Variants in CPSF4 observed in about 807,000 individuals in gnomAD.
CPSF4 encodes cleavage and polyadenylation specific factor 4.
CPSF4 carries 11 observed loss-of-function variants against 37.7 expected under a neutral mutation model. The ratio of observed to expected loss-of-function variants is 0.29; its 90% CI spans 0.18 to 0.48. CPSF4 has a LOEUF of 0.48. Among genes scored for constraint, CPSF4 ranks in the 20% least tolerant of loss-of-function variants. The pLI, the probability that CPSF4 is intolerant of heterozygous loss-of-function variation, is 0.99. For synonymous variants in CPSF4, 132 were observed against 135.9 expected (o/e 0.97, Z 0.20); for missense variants, 144 against 359.5 (o/e 0.40, Z 4.85).
intron 7 of CPSF4, among the ~76,000 whole-genome samples, chr7:99,455,999 CT>C: frequency 2.0e-5 from 3 of 152,386 alleles, no homozygotes; most frequent in African/African-American, 7.2e-5. Context: ...CAGACCTTGG[CT>C]CAGAGGTAAG....
Position 99,439,007 on chromosome 7 carries a change from G to A in CPSF4, c.-76G>A, listed in dbSNP as rs1354879419. ...AGCGAAGGAGGAGTGTGTGCGGCGG[G>A]GCCGGCGGCGGGTAAAGGCGAGAAG... On this transcript the variant is annotated 5_prime_UTR_variant, in exon 1 of 8. Coordinates refer to ENST00000292476, the MANE Select transcript of CPSF4 (RefSeq NM_006693.4). 4 of 1,438,394 alleles carry A rather than the reference G, an allele frequency of 2.8e-6. No homozygotes were observed. The highest frequency in any genetic ancestry group is 2.7e-5 in the East Asian group (1 of 37,666). 89.1% of individuals were successfully genotyped at this position (1,438,394 alleles called of 1,614,324 possible).
chr7:99,452,281 A>C (rs1398714544), intron 5 of CPSF4, 87 bp from the exon 6 acceptor site: 19 of 1,150,888 alleles, frequency 1.7e-5, no homozygotes, highest in Non-Finnish European at 2.5e-5. Flanking sequence ...CTAGGGCTGG[A>C]ATTTAAGAGC....
chr7:99,447,409 C>T (rs981632434), intron 2 of CPSF4, among the ~76,000 whole-genome samples: 61 of 148,638 alleles, frequency 4.1e-4, no homozygotes, highest in African/African-American at 1.5e-3. Context: ...GCTGGGATTA[C>T]AGGCACCCAC....
In CPSF4 at chr7:99,448,461, T is replaced by C. The variant is rs1057105034; in HGVS notation, c.307+188T>C. On this transcript the variant is annotated intron_variant, in intron 3 of 7. Transcript: ENST00000292476. This position sits in a 1 kb window ranked among gnomAD's most constrained non-coding sequence, Gnocchi z 4.4. ...GTGTGGCTATTTTCTGCTCATCTCT[T>C]TTTTTTTTTTTTTTTTTTTAAAGAC... The C allele has an allele frequency of 8.5e-5, 19 of 224,786 alleles. No homozygotes were observed. The highest frequency in any genetic ancestry group is 2.1e-4 in the African/African-American group (8 of 37,880). 13.9% of individuals were successfully genotyped at this position (224,786 alleles called of 1,614,324 possible). A position where few individuals can be genotyped will look rare whatever the true frequency, so the allele number is the denominator to read the frequency against.
chr7:99,456,634 G>C lies in CPSF4; in HGVS notation c.*134G>C. ...ACACGTGGGTTTCATCACTCTGAGG[G>C]GCCACGTCTGTTAGTTTCCTATCAT... On this transcript the variant is annotated 3_prime_UTR_variant, in exon 8 of 8. Transcript: ENST00000292476. 1.3e-6 allele frequency: 1 copy of C among 740,912 alleles called. No homozygotes were observed. Among genetic ancestry groups the C allele is most frequent in the Non-Finnish European group, 2.4e-6 (1 of 417,332 alleles). The allele number at this position is 740,912 out of a possible 1,614,324, so 45.9% of individuals were successfully genotyped here.
At chr7:99,439,537 C>T in intron 1 of CPSF4, 1 of 228,806 alleles carries the variant, frequency 4.4e-6, no homozygotes, top group Non-Finnish European at 8.5e-6. Flanking sequence ...CTCCTTTTAC[C>T]CTCACTCGGA....
Position 99,448,100 on chromosome 7 carries a change from C to G in CPSF4, c.155-21C>G. On this transcript the variant is annotated intron_variant, in intron 2 of 7. Transcript: ENST00000292476. This position sits in a 1 kb window ranked among gnomAD's most constrained non-coding sequence, Gnocchi z 4.4. Reference sequence around the variant, plus strand: ...TCAGGGTGGCCTCTCTGCTGACACCCTGTCCCTATCTTGCCGGCAGGGGGC... The same window carrying G: ...TCAGGGTGGCCTCTCTGCTGACACCGTGTCCCTATCTTGCCGGCAGGGGGC... The G allele has an allele frequency of 6.2e-7, 1 of 1,612,618 alleles. No homozygotes were observed. Among genetic ancestry groups the G allele is most frequent in the Non-Finnish European group, 8.5e-7 (1 of 1,179,324 alleles).
intron 1 of CPSF4, among the ~76,000 whole-genome samples, chr7:99,442,287 C>G (rs868852451): frequency 6.6e-6 from 1 of 152,304 alleles, no homozygotes. Flanking sequence ...CTGGAGCCCA[C>G]TGAATTCCAG....
intron 1 of CPSF4, chr7:99,441,379 G>A (rs1796968579): frequency 2.2e-6 from 1 of 455,992 alleles, no homozygotes; most frequent in African/African-American, 2.0e-5. Flanking sequence ...AGTGGCGAGG[G>A]GCCCACATAC....
rs563773674 is a variant in CPSF4, at chr7:99,454,152, G to T, written c.741+16G>T. On this transcript the variant is annotated intron_variant, in intron 7 of 7. Transcript: ENST00000292476. ...CTGTTACAAGGTGAGTCCCTGGGCT[G>T]GGGGACAGGGTGGGGTCTTCCCTTA... The T allele has an allele frequency of 3.7e-6, 6 of 1,607,932 alleles. No individual in the cohort carries two copies. The South Asian group carries it at 6.6e-5, about 18-fold the overall frequency.
chr7:99,446,771 CTTTTTTTTTTTTTTTTTT>C (rs762892785), intron 2 of CPSF4, among the ~76,000 whole-genome samples: 317 of 29,118 alleles, frequency 0.011, 3 homozygotes, highest in Non-Finnish European at 0.016. Flanking sequence ...CCATACCCAG[CTTTTTTTTTTTTTTTTTT>C]TTTTTTTTTT....
chr7:99,440,651 CTGGCATATATATATATATATA>C (rs1562852620), intron 1 of CPSF4, among the ~76,000 whole-genome samples: 1 of 106,638 alleles, frequency 9.4e-6, no homozygotes, highest in African/African-American at 6.3e-5. Flanking sequence ...GCCACTGCAC[CTGGCATATATATATATATATA>C]TATTTTTTTT....
intron 3 of CPSF4, among the ~76,000 whole-genome samples, chr7:99,449,558 C>T (rs1012568486): frequency 6.6e-6 from 1 of 152,246 alleles, no homozygotes; most frequent in East Asian, 1.9e-4. Context: ...CTGTCACCTG[C>T]ACCACAGACA....
rs1208714959 is a variant in CPSF4 at position 99,439,043 on chromosome 7, A to G, written c.-40A>G. The G allele has an allele frequency of 6.4e-7, 1 of 1,569,386 alleles. No homozygotes were observed. The highest frequency in any genetic ancestry group is 1.1e-5 in the South Asian group (1 of 88,168). On this transcript the variant is annotated 5_prime_UTR_variant, in exon 1 of 8. Coordinates refer to ENST00000292476, the MANE Select transcript of CPSF4 (RefSeq NM_006693.4). Reference sequence around the variant, plus strand: ...GGTAAAGGCGAGAAGGCTGCAGGAGACCGAGGGGGAGCCGGGCCGGTGGGG... The same window carrying G: ...GGTAAAGGCGAGAAGGCTGCAGGAGGCCGAGGGGGAGCCGGGCCGGTGGGG...
At chr7:99,454,554 C>T (rs1798173524) in intron 7 of CPSF4, among the ~76,000 whole-genome samples, 1 of 152,154 alleles carries the variant, frequency 6.6e-6, no homozygotes, top group Non-Finnish European at 1.5e-5. Context: ...ATCCCCTCCC[C>T]CAGTACATAA....
In CPSF4 at chr7:99,448,387, A is replaced by G. The variant is rs914466097; in HGVS notation, c.307+114A>G. 1 of 1,211,776 alleles carries G rather than the reference A, an allele frequency of 8.3e-7. No homozygotes were observed. Among genetic ancestry groups the G allele is most frequent in the African/African-American group, 1.6e-5 (1 of 64,352 alleles). 75.1% of individuals were successfully genotyped at this position (1,211,776 alleles called of 1,614,324 possible). Reference sequence around the variant, plus strand: ...GCTTTTCCCATCTTTCTATTCTCAGAGGAGAACTCTGGCAGAACCTGCCAG... The same window carrying G: ...GCTTTTCCCATCTTTCTATTCTCAGGGGAGAACTCTGGCAGAACCTGCCAG... On this transcript the variant is annotated intron_variant, in intron 3 of 7. Coordinates refer to ENST00000292476, the MANE Select transcript of CPSF4 (RefSeq NM_006693.4). The surrounding 1 kb of genome is among the most constrained non-coding windows in gnomAD (Gnocchi z 4.4).
In CPSF4 at chr7:99,454,075, G is replaced by C; in HGVS notation, c.680G>C (p.Ser227Thr). The change falls in exon 7 of 8, where the codon AGT (serine) becomes ACT (threonine). Residue 227 changes from serine to threonine, a missense_variant. Transcript: ENST00000292476. ...RTPQVIGVMQ[S>T]QNSSAGNRGP... ...CCGCAGGTCATCGGGGTCATGCAGA[G>C]TCAAAACAGCAGCGCGGGCAACCGG... 6.2e-7 allele frequency: 1 copy of C among 1,614,244 alleles called. No homozygotes were observed. The highest frequency in any genetic ancestry group is 1.6e-4 in the Middle Eastern group (1 of 6,062).
rs1218407105 is a variant in CPSF4 at position 99,440,680 on chromosome 7, T to A, written c.103+1495T>A. 2.0e-3 allele frequency among the ~76,000 whole-genome samples: 193 copies of A among 94,814 alleles called. 1 individual carries two copies. Among genetic ancestry groups the A allele is most frequent in the Middle Eastern group, 8.2e-3 (2 of 244 alleles). The allele number at this position is 94,814 out of a possible 152,430, so 62.2% of individuals were successfully genotyped here. On this transcript the variant is annotated intron_variant, in intron 1 of 7. Coordinates refer to ENST00000292476, the MANE Select transcript of CPSF4 (RefSeq NM_006693.4). ...CATATATATATATATATATATTTTT[T>A]TTTTTTTTTTTTTCCTGCCTGTCCC...
intron 7 of CPSF4, 127 bp from the exon 8 acceptor site, chr7:99,456,303 CAG>C (rs1190678853): frequency 1.6e-5 from 12 of 773,612 alleles, no homozygotes; most frequent in Admixed American, 2.1e-5. Flanking sequence ...CTGAGAATTT[CAG>C]AGTCATGTCC....
Sources: gnomAD v4.1 joint callset for allele counts (sites outside exome capture counted in the v4.1 genomes callset) on GRCh38, gnomAD v4.1.1 for gene constraint, Gnocchi (gnomAD v3.1) non-coding constraint, MANE v1.5 for transcripts, NCBI Gene and HGNC (gene_info 2026-07-23, HGNC 2026-07-21) for gene names.